The following CDH13 variants were observed in gnomAD, a reference collection of about 807,000 sequenced individuals.
The protein encoded by CDH13 is cadherin-13.
A neutral mutation model predicts 63.8 loss-of-function variants in CDH13; 24 were observed. The ratio of observed to expected loss-of-function variants is 0.38; its 90% CI spans 0.27 to 0.53. CDH13 has a LOEUF of 0.53. CDH13 is among the 20% of genes least tolerant of loss of function. The pLI, the probability that CDH13 is intolerant of heterozygous loss-of-function variation, is 0.85. For missense variants in CDH13, 1,049 were observed against 903.1 expected, an observed-to-expected ratio of 1.16 and a Z score of -2.07; for synonymous variants, 503 against 355.3, an observed-to-expected ratio of 1.42 and a Z score of -4.67.
chr16:83,272,114 A>T (rs1404810729), intron 5 of CDH13, among the ~76,000 whole-genome samples: 2 of 152,188 alleles, frequency 1.3e-5, no homozygotes, highest in Non-Finnish European at 2.9e-5. Context: ...TTCCACAAAA[A>T]TTTATGGAGT....
At chr16:82,684,544 C>T (rs1006671364) in intron 1 of CDH13, among the ~76,000 whole-genome samples, 1 of 152,118 alleles carries the variant, frequency 6.6e-6, no homozygotes, top group African/African-American at 2.4e-5. Flanking sequence ...CTCACCATCT[C>T]AGCTTAATAG....
intron 1 of CDH13, among the ~76,000 whole-genome samples, chr16:82,681,977 C>A (rs1359287606): frequency 1.3e-5 from 2 of 152,210 alleles, no homozygotes; most frequent in Non-Finnish European, 2.9e-5. Context: ...TTTCATTTCC[C>A]CTCTTCCCTC....
intron 2 of CDH13, among the ~76,000 whole-genome samples, chr16:82,874,333 G>C (rs1467541135): frequency 6.6e-6 from 1 of 152,060 alleles, no homozygotes; most frequent in Non-Finnish European, 1.5e-5. Flanking sequence ...AAGATGTTGA[G>C]TTGGCGTCTT....
chr16:83,798,113 C>T lies in CDH13; in HGVS notation c.*3083C>T, dbSNP rs888217492. The T allele has an allele frequency of 1.3e-5, 2 of 152,192 alleles. No individual in the cohort carries two copies. Among genetic ancestry groups the T allele is most frequent in the African/African-American group, 2.4e-5 (1 of 41,444 alleles). 9.4% of individuals were successfully genotyped at this position (152,192 alleles called of 1,614,324 possible). ...AGAACATCGTTAGAAATTTTGATAG[C>T]TCATTCCAGAGTTTCAGAATGTCAT... is the stretch of plus-strand genomic sequence containing the variant. On this transcript the variant is annotated 3_prime_UTR_variant, in exon 14 of 14. Transcript: ENST00000567109.
At chr16:82,760,234 G>C (rs868579065) in intron 1 of CDH13, among the ~76,000 whole-genome samples, 22 of 152,260 alleles carry the variant, frequency 1.4e-4, no homozygotes, top group Admixed American at 2.6e-4. Context: ...TACTTACTGA[G>C]GGGGTAGAAG....
chr16:83,552,540 C>T (rs1301988851), intron 7 of CDH13, among the ~76,000 whole-genome samples: 1 of 152,174 alleles, frequency 6.6e-6, no homozygotes, highest in Non-Finnish European at 1.5e-5. Context: ...AATATAGAGA[C>T]AGAAGAGATT....
chr16:83,268,997 A>G (rs995124613), intron 5 of CDH13, among the ~76,000 whole-genome samples: 1 of 152,230 alleles, frequency 6.6e-6, no homozygotes, highest in Non-Finnish European at 1.5e-5. Context: ...CCTTCTGACC[A>G]GACAACTTGC....
At chr16:83,454,573 A>T (rs902922878) in intron 6 of CDH13, among the ~76,000 whole-genome samples, 1 of 152,154 alleles carries the variant, frequency 6.6e-6, no homozygotes, top group Non-Finnish European at 1.5e-5. Context: ...ATGACTGTGT[A>T]ATGGTCCATC....
chr16:82,806,104 G>A (rs1035460703), intron 1 of CDH13, among the ~76,000 whole-genome samples: 1 of 152,110 alleles, frequency 6.6e-6, no homozygotes, highest in African/African-American at 2.4e-5. Context: ...CAAGCTCAAG[G>A]GTGATTGAGT....
At chr16:83,028,074 A>C (rs551901060) in intron 2 of CDH13, among the ~76,000 whole-genome samples, 2 of 152,038 alleles carry the variant, frequency 1.3e-5, no homozygotes, top group East Asian at 3.9e-4. Flanking sequence ...CTTTTCCTCT[A>C]CCCCATTCAC....
chr16:83,486,574 G>A lies in CDH13; in HGVS notation c.879G>A (p.Lys293=). ...ATATCCGTCAGCAGACGCCTGACAAGCCATCTCCCAACATGTTCTACATCG... is the reference window on the plus strand; with the variant it reads ...ATATCCGTCAGCAGACGCCTGACAAACCATCTCCCAACATGTTCTACATCG... The part of the protein sequence containing the change: ...RYNIRQQTPD[K]PSPNMFYIDP... The change falls in exon 7 of 14, where the codon AAG becomes AAA. Residue 293 remains lysine, a synonymous_variant. Coordinates refer to ENST00000567109, the MANE Select transcript of CDH13 (RefSeq NM_001257.5). 2 of 1,613,956 alleles carry A rather than the reference G, an allele frequency of 1.2e-6. No individual in the cohort carries two copies. Among genetic ancestry groups the A allele is most frequent in the Non-Finnish European group, 1.7e-6 (2 of 1,179,844 alleles).
chr16:83,048,960 C>T (rs73596232), intron 3 of CDH13, among the ~76,000 whole-genome samples: 101 of 152,250 alleles, frequency 6.6e-4, no homozygotes, highest in African/African-American at 2.3e-3. Flanking sequence ...AAATGGAGCT[C>T]CTGTCCTCAA....
intron 7 of CDH13, among the ~76,000 whole-genome samples, chr16:83,531,646 T>A (rs1423738109): frequency 6.6e-6 from 1 of 151,722 alleles, no homozygotes; most frequent in African/African-American, 2.4e-5. Flanking sequence ...GGGAGGCGAG[T>A]GGTATTGACT....
chr16:82,923,822 A>T (rs982217807), intron 2 of CDH13, among the ~76,000 whole-genome samples: 7 of 152,178 alleles, frequency 4.6e-5, no homozygotes, highest in African/African-American at 1.7e-4. Context: ...TGCATTTGAA[A>T]CGAACATTGG....
At chr16:83,611,154 C>G (rs1438054027) in intron 8 of CDH13, among the ~76,000 whole-genome samples, 1 of 152,016 alleles carries the variant, frequency 6.6e-6, no homozygotes, top group Non-Finnish European at 1.5e-5. Context: ...TAGTCTTTCT[C>G]TTATCGACGT....
At chr16:83,539,375 T>C (rs2075257738) in intron 7 of CDH13, among the ~76,000 whole-genome samples, 1 of 152,160 alleles carries the variant, frequency 6.6e-6, no homozygotes, top group South Asian at 2.1e-4. Context: ...GCTCACTCAC[T>C]TGCCACTCCC....
At chr16:83,514,463 G>T (rs531200456) in intron 7 of CDH13, among the ~76,000 whole-genome samples, 3 of 152,266 alleles carry the variant, frequency 2.0e-5, no homozygotes, top group Admixed American at 1.3e-4. Context: ...GGCCAACCTG[G>T]TGAAACCCAA....
intron 4 of CDH13, among the ~76,000 whole-genome samples, chr16:83,184,085 G>A (rs9932362): frequency 0.16 from 16,739 of 107,878 alleles, 2,265 homozygotes; most frequent in African/African-American, 0.39. Flanking sequence ...GCCTCTAGAG[G>A]TTAAACACAC....
At chr16:83,444,737 AC>A (rs1470510186) in intron 6 of CDH13, among the ~76,000 whole-genome samples, 2 of 102,542 alleles carry the variant, frequency 2.0e-5, no homozygotes. Flanking sequence ...GTGTGCTGAA[AC>A]CAGCTTAAAT....
Sources: gnomAD v4.1 joint callset for allele counts (sites outside exome capture counted in the v4.1 genomes callset) on GRCh38, gnomAD v4.1.1 for gene constraint, MANE v1.5 for transcripts, NCBI Gene and HGNC (gene_info 2026-07-23, HGNC 2026-07-21) for gene names.